The following TENM3 variants were observed in gnomAD, a reference collection of about 807,000 sequenced individuals.
The protein encoded by TENM3 is teneurin transmembrane protein 3.
Under a neutral mutation model 255.1 loss-of-function variants are expected in TENM3, and 63 were observed. The observed-to-expected ratio is 0.25, with a 90% CI of 0.20 to 0.30. The LOEUF is 0.30. Ranked by LOEUF, TENM3 falls within the 10% of genes least tolerant of loss-of-function variation. The probability of loss-of-function intolerance (pLI) is 1.00; values close to 1 mark genes in which losing one functional copy is unlikely to be tolerated. For missense variants in TENM3, 2,929 were observed against 3,461.1 expected (o/e 0.85, Z 3.86); for synonymous variants, 1,306 against 1,322.3 (o/e 0.99, Z 0.27).
chr4:182,290,860 G>A (rs137902085), intron 1 of TENM3, among the ~76,000 whole-genome samples: 68 of 150,060 alleles, frequency 4.5e-4, no homozygotes, highest in Middle Eastern at 3.6e-3. Context: ...TTGCTTTGTC[G>A]CCCAGGCAGG....
chr4:182,479,527 G>A (rs572516613), intron 3 of TENM3, among the ~76,000 whole-genome samples: 46 of 151,994 alleles, frequency 3.0e-4, no homozygotes, highest in African/African-American at 9.4e-4. Context: ...TTATGATATC[G>A]AATGTGTAAT....
the TENM3 span, among the ~76,000 whole-genome samples, chr4:181,866,240 T>C: frequency 6.6e-6 from 1 of 152,208 alleles, no homozygotes; most frequent in Non-Finnish European, 1.5e-5. Flanking sequence ...TCAAGGCTGT[T>C]AACTCTAAGC....
At chr4:182,473,529 CAG>C in intron 3 of TENM3, among the ~76,000 whole-genome samples, 1 of 152,090 alleles carries the variant, frequency 6.6e-6, no homozygotes, top group Non-Finnish European at 1.5e-5. Flanking sequence ...AAAAATTAGC[CAG>C]GCGTGGTGGC....
chr4:182,290,151 C>G (rs1183510278), intron 1 of TENM3, among the ~76,000 whole-genome samples: 1 of 152,212 alleles, frequency 6.6e-6, no homozygotes, highest in Admixed American at 6.5e-5. Context: ...GGGGCAGTGT[C>G]TTATTCTGTG....
the TENM3 span, among the ~76,000 whole-genome samples, chr4:181,775,153 A>G: frequency 6.6e-6 from 1 of 152,150 alleles, no homozygotes; most frequent in Admixed American, 6.6e-5. Context: ...GACTCCCCCC[A>G]TACAGGGCCG....
the TENM3 span, among the ~76,000 whole-genome samples, chr4:182,023,595 G>A: frequency 7.2e-5 from 11 of 152,140 alleles, no homozygotes; most frequent in Admixed American, 2.0e-4. Flanking sequence ...TGAAGTGTAC[G>A]CCACTGATCA....
At chr4:181,845,347 T>C in the TENM3 span, among the ~76,000 whole-genome samples, 1 of 152,238 alleles carries the variant, frequency 6.6e-6, no homozygotes, top group Non-Finnish European at 1.5e-5. Flanking sequence ...TTTTACTATA[T>C]AACCAGGAAA....
chr4:182,455,080 A>C (rs1349127728), intron 3 of TENM3, among the ~76,000 whole-genome samples: 1 of 152,214 alleles, frequency 6.6e-6, no homozygotes, highest in Non-Finnish European at 1.5e-5. Context: ...ATATCTCCTT[A>C]TCATCATGCT....
At chr4:182,285,857 G>GA (rs5864775) in intron 1 of TENM3, among the ~76,000 whole-genome samples, 19,416 of 150,060 alleles carry the variant, frequency 0.13, 1,364 homozygotes, top group Middle Eastern at 0.22. Context: ...ACCATAAAAA[G>GA]AAAAAAAAAT....
chr4:182,055,349 C>CAAATAAATA, the TENM3 span, among the ~76,000 whole-genome samples: 1 of 148,786 alleles, frequency 6.7e-6, no homozygotes, highest in African/African-American at 2.5e-5. Flanking sequence ...TGTCTCAAAA[C>CAAATAAATA]AATAAATAAA....
intron 19 of TENM3, among the ~76,000 whole-genome samples, chr4:182,745,477 A>T (rs1761938239): frequency 6.6e-6 from 1 of 152,190 alleles, no homozygotes; most frequent in South Asian, 2.1e-4. Flanking sequence ...AAAAACTATC[A>T]AAGCAGCTAC....
chr4:181,452,356 T>C, the TENM3 span, among the ~76,000 whole-genome samples: 1 of 152,178 alleles, frequency 6.6e-6, no homozygotes, highest in East Asian at 1.9e-4. Flanking sequence ...AATTTCATCT[T>C]GAATTGTAGT....
the TENM3 span, among the ~76,000 whole-genome samples, chr4:181,551,027 A>G: frequency 6.6e-6 from 1 of 152,226 alleles, no homozygotes; most frequent in South Asian, 2.1e-4. Context: ...CTCAGCATAT[A>G]TTGATAAAGT....
chr4:182,264,581 GTTT>G (rs549524574), intron 1 of TENM3, among the ~76,000 whole-genome samples: 9 of 152,346 alleles, frequency 5.9e-5, no homozygotes, highest in Admixed American at 5.2e-4. Context: ...AGTAGCTAAG[GTTT>G]TTGCCCTTTC....
At chr4:181,649,622 G>T in the TENM3 span, among the ~76,000 whole-genome samples, 1 of 152,170 alleles carries the variant, frequency 6.6e-6, no homozygotes, top group Non-Finnish European at 1.5e-5. Context: ...GGATGTGTTC[G>T]TGTGTTTTGA....
At chr4:182,596,165 G>A (rs1044673451) in intron 3 of TENM3, among the ~76,000 whole-genome samples, 1 of 152,136 alleles carries the variant, frequency 6.6e-6, no homozygotes, top group Non-Finnish European at 1.5e-5. Flanking sequence ...TTGCCTTTCA[G>A]GATCTAAGAG....
chr4:182,738,576 TA>T (rs1761350627), intron 18 of TENM3, 32 bp downstream of exon 18: 2 of 1,564,820 alleles, frequency 1.3e-6, no homozygotes, highest in Non-Finnish European at 1.7e-6. Flanking sequence ...ACTGATGTTG[TA>T]ATGTATTGTT....
intron 3 of TENM3, among the ~76,000 whole-genome samples, chr4:182,388,693 A>T (rs1295792778): frequency 3.9e-5 from 6 of 152,200 alleles, no homozygotes; most frequent in Non-Finnish European, 8.8e-5. Context: ...TTAACTGGAA[A>T]TTTGCTATTG....
chr4:182,008,934 G>A, the TENM3 span, among the ~76,000 whole-genome samples: 1 of 152,066 alleles, frequency 6.6e-6, no homozygotes, highest in Non-Finnish European at 1.5e-5. Context: ...TGTTGTTGAT[G>A]ATGCTATTGT....
Sources: allele counts gnomAD v4.1 joint callset (sites outside exome capture counted in the v4.1 genomes callset), GRCh38; gene constraint gnomAD v4.1.1; transcripts MANE v1.5; gene names NCBI Gene and HGNC (gene_info 2026-07-23, HGNC 2026-07-21).